The following ACSM3 variants were observed in gnomAD, a reference collection of about 807,000 sequenced individuals.
ACSM3 encodes the protein acyl-coenzyme A synthetase ACSM3, mitochondrial.
ACSM3 carries 61 observed loss-of-function variants against 74.1 expected under a neutral mutation model. The ratio of observed to expected loss-of-function variants is 0.82; its 90% CI spans 0.67 to 1.02. ACSM3 has a LOEUF of 1.02. Among genes scored for constraint, ACSM3 ranks in the 50% least tolerant of loss-of-function variants. ACSM3 has a pLI of 0.00. For missense variants in ACSM3, 660 were observed against 697.0 expected, an observed-to-expected ratio of 0.95 and a Z score of 0.60; for synonymous variants, 213 against 241.5, an observed-to-expected ratio of 0.88 and a Z score of 1.09.
rs1567362246 is a variant in ACSM3, at chr16:20,790,365, G to GT, written c.1225-219dup. Among the ~76,000 whole-genome samples the GT allele has an allele frequency of 6.6e-6, 1 of 152,192 alleles. No homozygotes were observed. The highest frequency in any genetic ancestry group is 1.5e-5 in the Non-Finnish European group (1 of 68,034). ...CTTGGGAAGCTGAGGTGTGAGGACT[G>GT]TTTGAGACCAGAAGTTTGACGCTGC... On this transcript the variant is annotated intron_variant, in intron 9 of 13. Coordinates refer to ENST00000289416, the MANE Select transcript of ACSM3 (RefSeq NM_005622.4). This position sits in a 1 kb window ranked among gnomAD's most constrained non-coding sequence, Gnocchi z 4.0.
rs1216556837 is a variant in ACSM3 at position 20,738,841 on chromosome 16, A to G, written c.-189-11069A>G. The G allele has an allele frequency of 3.2e-6, 5 of 1,583,208 alleles. No homozygotes were observed. In the East Asian group the frequency reaches 1.1e-4, roughly 35 times the overall value. On this transcript the variant is annotated intron_variant, in intron 1 of 3. Coordinates refer to the ACSM3 transcript ENST00000561584. Reference sequence around the variant, plus strand: ...CATTTTGTAAGCAGTATTCCCTGAGACAGGAAGATACCCAGATGTTATGAG... The same window carrying G: ...CATTTTGTAAGCAGTATTCCCTGAGGCAGGAAGATACCCAGATGTTATGAG...
chr16:20,676,596 A>G (rs1191805985), intron 1 of ACSM3, among the ~76,000 whole-genome samples: 1 of 152,154 alleles, frequency 6.6e-6, no homozygotes, highest in Non-Finnish European at 1.5e-5. Flanking sequence ...ACATTAACTG[A>G]GTTCAGGAGG....
intron 12 of ACSM3, 102 bp downstream of exon 12, chr16:20,792,437 A>AC: frequency 6.4e-7 from 1 of 1,562,342 alleles, no homozygotes; most frequent in Non-Finnish European, 8.7e-7. Flanking sequence ...TGATTCATTT[A>AC]CTAAATATGC....
chr16:20,727,321 C>A, intron 1 of ACSM3: 1 of 577,182 alleles, frequency 1.7e-6, no homozygotes, highest in Non-Finnish European at 3.3e-6. Flanking sequence ...CAAAAAGGCC[C>A]CATGCAACTC....
chr16:20,724,150 T>C (rs1363972499), intron 1 of ACSM3, among the ~76,000 whole-genome samples: 2 of 152,226 alleles, frequency 1.3e-5, no homozygotes, highest in East Asian at 1.9e-4. Context: ...CCTTTCCCCA[T>C]TGCTTGTTTT....
chr16:20,690,220 G>A (rs2079628718), intron 1 of ACSM3, among the ~76,000 whole-genome samples: 1 of 152,108 alleles, frequency 6.6e-6, no homozygotes, highest in South Asian at 2.1e-4. Flanking sequence ...CCATCTCAGG[G>A]GGATTCTCTC....
chr16:20,726,341 A>G (rs1448610837), intron 1 of ACSM3, among the ~76,000 whole-genome samples: 2 of 152,204 alleles, frequency 1.3e-5, no homozygotes, highest in Non-Finnish European at 2.9e-5. Flanking sequence ...GGAAGAGAGG[A>G]GCAATTTAAG....
At chr16:20,745,136 C>A (rs980859561) in intron 1 of ACSM3, among the ~76,000 whole-genome samples, 4 of 152,244 alleles carry the variant, frequency 2.6e-5, no homozygotes, top group Non-Finnish European at 4.4e-5. Context: ...CCTTATTATT[C>A]TTCTTTGTTC....
chr16:20,678,011 A>AAAATAAATAAATAAATAAATAAAT lies in ACSM3; in HGVS notation c.-190+3198_-190+3221dup, dbSNP rs146714630. On this transcript the variant is annotated intron_variant, in intron 1 of 3. Coordinates refer to the ACSM3 transcript ENST00000561584. The stretch of plus-strand genomic sequence containing the variant: ...CCATAAAGGAAGAATACTAAAGGCT[A>AAAATAAATAAATAAATAAATAAAT]AAATAAATAAATAAATAAATAAATA... Among the ~76,000 whole-genome samples, 1,094 of 143,800 alleles carry AAAATAAATAAATAAATAAATAAAT rather than the reference A, an allele frequency of 7.6e-3. 15 individuals carry two copies. The highest frequency in any genetic ancestry group is 0.022 in the African/African-American group (815 of 37,778). 94.3% of individuals were successfully genotyped at this position (143,800 alleles called of 152,430 possible). A position where few individuals can be genotyped will look rare whatever the true frequency, so the allele number is the denominator to read the frequency against.
rs574466665 is a variant in ACSM3 at position 20,707,981 on chromosome 16, T to C, written c.-190+33159T>C. 1.6e-4 allele frequency among the ~76,000 whole-genome samples: 24 copies of C among 152,250 alleles called. No homozygotes were observed. In the South Asian group the frequency reaches 5.0e-3, roughly 32 times the overall value. On this transcript the variant is annotated intron_variant, in intron 1 of 3. Transcript: ENST00000561584. ...AAGAAAACACACCTAAACAACTAAA[T>C]GAAATTTAAAAAAATAACAACGCAT...
At chr16:20,682,239 T>C (rs1254391747) in intron 1 of ACSM3, 1 of 1,610,442 alleles carries the variant, frequency 6.2e-7, no homozygotes, top group Admixed American at 1.7e-5. Context: ...ATTATATTCA[T>C]CAGACCAGAG....
upstream of ACSM3, among the ~76,000 whole-genome samples, chr16:20,760,887 ACCTGG>A (rs200607663): frequency 0.017 from 2,565 of 152,244 alleles, 29 homozygotes; most frequent in Non-Finnish European, 0.026. Flanking sequence ...GAGGCCTGCT[ACCTGG>A]AGGCTTCATC....
chr16:20,699,125 TG>T (rs1432577713), intron 1 of ACSM3, among the ~76,000 whole-genome samples: 1 of 152,150 alleles, frequency 6.6e-6, no homozygotes, highest in Admixed American at 6.5e-5. Context: ...ATTTGTAAAA[TG>T]AAGCAGGATT....
At position 20,777,518 on chromosome 16, in the gene ACSM3, C is replaced by T. The variant is rs2080269926; in HGVS notation, c.576C>T (p.His192=). The T allele has an allele frequency of 6.2e-7, 1 of 1,614,094 alleles. No individual in the cohort carries two copies. Among genetic ancestry groups the T allele is most frequent in the African/African-American group, 1.3e-5 (1 of 75,028 alleles). ...TTGCATCCAAATGTGAAAATCTGCA[C>T]TCCAAGCTGATTGTATCAGAGAACT... is the stretch of plus-strand genomic sequence containing the variant. ...DAVASKCENL[H]SKLIVSENSR... is the part of the protein sequence containing the mutation. The change falls in exon 4 of 14, where the codon CAC becomes CAT. Residue 192 remains histidine, a synonymous_variant. Transcript: ENST00000289416.
At chr16:20,699,625 G>A (rs1357481750) in intron 1 of ACSM3, among the ~76,000 whole-genome samples, 2 of 152,244 alleles carry the variant, frequency 1.3e-5, no homozygotes, top group East Asian at 3.9e-4. Flanking sequence ...AAGAGAAGGA[G>A]CAGCCACTTT....
At chr16:20,704,298 T>C (rs768685008) in intron 1 of ACSM3, among the ~76,000 whole-genome samples, 1 of 152,198 alleles carries the variant, frequency 6.6e-6, no homozygotes, top group African/African-American at 2.4e-5. Flanking sequence ...TATTACTACG[T>C]TTTTACTAAT....
intron 10 of ACSM3, 80 bp from the exon 11 acceptor site, chr16:20,791,922 T>C: frequency 1.3e-6 from 2 of 1,507,986 alleles, no homozygotes; most frequent in African/African-American, 1.4e-5. Flanking sequence ...AGTGAGACTG[T>C]CTCGGAAAAA....
chr16:20,729,843 C>T (rs927597358), intron 1 of ACSM3, among the ~76,000 whole-genome samples: 3 of 151,946 alleles, frequency 2.0e-5, no homozygotes, highest in Admixed American at 1.3e-4. Context: ...ACAGCCACAT[C>T]CAAGGGTTCA....
At chr16:20,683,085 CT>C (rs1485735703) in intron 1 of ACSM3, among the ~76,000 whole-genome samples, 15 of 151,482 alleles carry the variant, frequency 9.9e-5, no homozygotes, top group Non-Finnish European at 2.2e-4. Flanking sequence ...TAAACATTGA[CT>C]TTTTTTTCCT....
Sources: gnomAD v4.1 joint callset for allele counts (sites outside exome capture counted in the v4.1 genomes callset) on GRCh38, gnomAD v4.1.1 for gene constraint, Gnocchi (gnomAD v3.1) non-coding constraint, MANE v1.5 for transcripts, NCBI Gene and HGNC (gene_info 2026-07-23, HGNC 2026-07-21) for gene names.